Variants in ST18 observed in about 807,000 individuals in gnomAD.
ST18 encodes suppression of tumorigenicity 18 protein.
In ST18, 50 loss-of-function variants were observed where a neutral mutation model predicts 110.0. The ratio of observed to expected loss-of-function variants is 0.45; its 90% CI spans 0.36 to 0.58. The LOEUF (loss-of-function observed/expected upper bound fraction) is 0.58, where lower values mean the gene tolerates loss of function less well. Ranked by LOEUF, ST18 falls within the 20% of genes least tolerant of loss-of-function variation. The pLI is 0.00. For missense variants in ST18, 1,306 were observed against 1,280.1 expected (o/e 1.02, Z -0.31); for synonymous variants, 461 against 452.4 (o/e 1.02, Z -0.24).
At chr8:52,344,601 A>G (rs1442061653) in intron 2 of ST18, among the ~76,000 whole-genome samples, 3 of 152,022 alleles carry the variant, frequency 2.0e-5, no homozygotes, top group African/African-American at 2.4e-5. Context: ...GAGTTTCACC[A>G]TGTTGGCCAG....
rs2082364467 is a variant in ST18, at chr8:52,212,098, A to G, written c.67T>C (p.Ser23Pro). The G allele has an allele frequency of 1.2e-6, 2 of 1,605,892 alleles. No individual in the cohort carries two copies. The highest frequency in any genetic ancestry group is 2.7e-5 in the African/African-American group (2 of 74,142). The stretch of plus-strand genomic sequence containing the variant: ...TCTTACCTGAGCTCCTGGATTAGTG[A>G]ATCCATTGGCACTGTTGACAAAAGA... ...RSKGTEVPMDSLIQELSVAYD... is the reference protein window; with the variant it reads ...RSKGTEVPMDPLIQELSVAYD... The change falls in exon 8 of 26, where the codon TCA becomes CCA. Residue 23 changes from serine (S) to proline (P), a missense_variant. Physicochemically the swap from Ser to Pro is moderately conservative, Grantham distance 74. Coordinates refer to ENST00000689386, the MANE Select transcript of ST18 (RefSeq NM_001352837.2).
At chr8:52,226,119 G>T (rs2089296753) in intron 3 of ST18, among the ~76,000 whole-genome samples, 1 of 152,192 alleles carries the variant, frequency 6.6e-6, no homozygotes, top group Admixed American at 6.5e-5. Flanking sequence ...TTAACACTCA[G>T]AGAGAGCAAA....
At chr8:52,351,347 A>C (rs1820243185) in intron 2 of ST18, among the ~76,000 whole-genome samples, 1 of 152,198 alleles carries the variant, frequency 6.6e-6, no homozygotes, top group Non-Finnish European at 1.5e-5. Flanking sequence ...GAGTACACTG[A>C]CTTGCCTTTC....
At chr8:52,367,270 A>ACAC (rs55935866) in intron 2 of ST18, among the ~76,000 whole-genome samples, 1 of 150,702 alleles carries the variant, frequency 6.6e-6, no homozygotes, top group Non-Finnish European at 1.5e-5. Flanking sequence ...ACACACACAC[A>ACAC]AAGATTTTAC....
intron 2 of ST18, among the ~76,000 whole-genome samples, chr8:52,357,795 G>A (rs1374419774): frequency 7.0e-6 from 1 of 143,040 alleles, no homozygotes; most frequent in Non-Finnish European, 1.5e-5. Flanking sequence ...CCCCACTTAT[G>A]TTAATGAATA....
chr8:52,259,920 C>T (rs751444219), intron 2 of ST18, among the ~76,000 whole-genome samples: 3 of 152,112 alleles, frequency 2.0e-5, no homozygotes, highest in East Asian at 1.9e-4. Flanking sequence ...TTCTTTTATC[C>T]TTTGTCATTT....
chr8:52,323,909 A>G (rs956240985), intron 2 of ST18, among the ~76,000 whole-genome samples: 9 of 152,232 alleles, frequency 5.9e-5, no homozygotes, highest in African/African-American at 2.2e-4. Context: ...AACTGCAGCC[A>G]GTTGTCTAAG....
chr8:52,308,852 G>A (rs1402817414), intron 2 of ST18, among the ~76,000 whole-genome samples: 1 of 152,216 alleles, frequency 6.6e-6, no homozygotes, highest in Non-Finnish European at 1.5e-5. Flanking sequence ...GGCTCAGGGG[G>A]ACTGGGGTAG....
chr8:52,341,796 T>C (rs1815138533), intron 2 of ST18, among the ~76,000 whole-genome samples: 1 of 152,288 alleles, frequency 6.6e-6, no homozygotes, highest in South Asian at 2.1e-4. Flanking sequence ...TTCAGAGCTG[T>C]ACTGTCGGAC....
rs748883709 is a variant in ST18, at chr8:52,171,602, CA to C, written c.1069+189del. 2.4e-5 allele frequency: 17 copies of C among 719,888 alleles called. No homozygotes were observed. The African/African-American group carries it at 2.6e-4, about 11-fold the overall frequency. 44.6% of individuals were successfully genotyped at this position (719,888 alleles called of 1,614,324 possible). A position where few individuals can be genotyped will look rare whatever the true frequency, so the allele number is the denominator to read the frequency against. ...ATGTGTGAAAATAGTCCAAAATTAA[CA>C]CAGCTTGATTGGAGGATAATCTAGA... is the stretch of plus-strand genomic sequence containing the variant. On this transcript the variant is annotated intron_variant, in intron 10 of 25. Transcript: ENST00000689386.
At chr8:52,157,129 G>C (rs751786872) in intron 15 of ST18, among the ~76,000 whole-genome samples, 3 of 152,154 alleles carry the variant, frequency 2.0e-5, no homozygotes, top group Non-Finnish European at 4.4e-5. Context: ...TTTTTGAAAC[G>C]TGTCCATTTA....
At chr8:52,119,718 G>A (rs1469029967) in intron 23 of ST18, among the ~76,000 whole-genome samples, 3 of 152,124 alleles carry the variant, frequency 2.0e-5, no homozygotes, top group South Asian at 2.1e-4. Context: ...AAAACAACAC[G>A]GGAGATTCTT....
chr8:52,135,568 C>CAAAAAAAAAAAAAA (rs71252929), intron 19 of ST18, among the ~76,000 whole-genome samples: 44 of 56,034 alleles, frequency 7.9e-4, no homozygotes, highest in Middle Eastern at 8.6e-3. Context: ...AACTCCATCT[C>CAAAAAAAAAAAAAA]AAAAAAAAAA....
At chr8:52,192,554 G>A (rs1401928374) in intron 8 of ST18, among the ~76,000 whole-genome samples, 3 of 152,214 alleles carry the variant, frequency 2.0e-5, no homozygotes, top group Non-Finnish European at 1.5e-5. Context: ...TGGAGGCATA[G>A]CTGAGAGGCT....
At chr8:52,326,234 A>G (rs16917684) in intron 2 of ST18, among the ~76,000 whole-genome samples, 1 of 152,294 alleles carries the variant, frequency 6.6e-6, no homozygotes, top group Middle Eastern at 3.4e-3. Flanking sequence ...TCTCATTTCC[A>G]CAATGGTGAC....
chr8:52,370,184 G>A (rs1310047974), intron 2 of ST18, among the ~76,000 whole-genome samples: 2 of 152,212 alleles, frequency 1.3e-5, no homozygotes, highest in South Asian at 2.1e-4. Flanking sequence ...AAAGACCATT[G>A]CTATTCAGGG....
At chr8:52,342,414 T>C (rs1289081438) in intron 2 of ST18, among the ~76,000 whole-genome samples, 4 of 152,216 alleles carry the variant, frequency 2.6e-5, no homozygotes, top group African/African-American at 9.6e-5. Flanking sequence ...GACCAACTGC[T>C]GTTGCTAAAG....
At chr8:52,394,839 T>G (rs751781375) in intron 2 of ST18, among the ~76,000 whole-genome samples, 1 of 152,166 alleles carries the variant, frequency 6.6e-6, no homozygotes, top group Non-Finnish European at 1.5e-5. Context: ...GAATGAAAAT[T>G]TTACCTTTTT....
At chr8:52,140,267 C>T (rs1312464057) in intron 17 of ST18, among the ~76,000 whole-genome samples, 1 of 152,198 alleles carries the variant, frequency 6.6e-6, no homozygotes, top group African/African-American at 2.4e-5. Context: ...TGGTGGCTCA[C>T]GCCTGTAATT....
Sources: allele counts gnomAD v4.1 joint callset (sites outside exome capture counted in the v4.1 genomes callset), GRCh38; gene constraint gnomAD v4.1.1; transcripts MANE v1.5; gene names NCBI Gene and HGNC (gene_info 2026-07-23, HGNC 2026-07-21).